CLMN: variants seen among roughly 807,000 people sequenced by gnomAD.
The protein encoded by CLMN is calmin.
Under a neutral mutation model 92.7 loss-of-function variants are expected in CLMN, and 57 were observed. That is an observed-to-expected ratio of 0.61 (90% CI 0.50 to 0.77). CLMN has a LOEUF of 0.77. CLMN is among the 30% of genes least tolerant of loss of function. The pLI is 0.00. For missense variants in CLMN, 1,158 were observed against 1,237.5 expected, an observed-to-expected ratio of 0.94 and a Z score of 0.96; for synonymous variants, 466 against 470.6, an observed-to-expected ratio of 0.99 and a Z score of 0.13.
At chr14:95,229,987 C>A in intron 2 of CLMN, 85 bp downstream of exon 2, 1 of 1,282,900 alleles carries the variant, frequency 7.8e-7, no homozygotes, top group South Asian at 1.2e-5. Flanking sequence ...GAGCACAGGT[C>A]ACCAGCTCCC....
At position 95,259,405 on chromosome 14, in the gene CLMN, C is replaced by T. The variant is rs555183607; in HGVS notation, c.83-29272G>A. Among the ~76,000 whole-genome samples the T allele has an allele frequency of 2.6e-5, 4 of 152,192 alleles. No individual in the cohort carries two copies. Among genetic ancestry groups the T allele is most frequent in the Admixed American group, 2.6e-4 (4 of 15,300 alleles). ...GCACCAGAACGGAGAAGGAAATGTG[C>T]GTGGACAAACCTCCGGGTTACCAGA... On this transcript the variant is annotated intron_variant, in intron 1 of 12. Coordinates refer to ENST00000298912, the MANE Select transcript of CLMN (RefSeq NM_024734.4). The surrounding 1 kb of genome is among the most constrained non-coding windows in gnomAD (Gnocchi z 4.3).
At position 95,189,472 on chromosome 14, in the gene CLMN, G is replaced by A. The variant is rs1055743232; in HGVS notation, c.*2092C>T. On this transcript the variant is annotated 3_prime_UTR_variant, in exon 13 of 13. Coordinates refer to ENST00000298912, the MANE Select transcript of CLMN (RefSeq NM_024734.4). ...CTCAAATGAGATTTTTTTTTCCTTT[G>A]CAAAATATCAGTTGACTGCCAACCT... 3 of 151,356 alleles carry A rather than the reference G, an allele frequency of 2.0e-5. No individual in the cohort carries two copies. Among genetic ancestry groups the A allele is most frequent in the African/African-American group, 7.3e-5 (3 of 41,220 alleles). 9.4% of individuals were successfully genotyped at this position (151,356 alleles called of 1,614,324 possible). A position where few individuals can be genotyped will look rare whatever the true frequency, so the allele number is the denominator to read the frequency against.
rs1443424379 is a variant in CLMN, at chr14:95,209,466, C to T, written c.814G>A (p.Asp272Asn). Reference sequence around the variant, plus strand: ...ATGATAGACTGCTCGTCTGGTGTGTCAACCATGATGTCTGTCGAGAGAGAC... The same window carrying T: ...ATGATAGACTGCTCGTCTGGTGTGTTAACCATGATGTCTGTCGAGAGAGAC... The part of the protein sequence containing the change: ...RLLEPEDIMV[D>N]TPDEQSIMTY... Residue 272 changes from aspartate (D) to asparagine (N), a missense_variant, in exon 8 of 13, where the codon GAC becomes AAC. By Grantham distance (23) the Asp-to-Asn change is conservative (BLOSUM62 1). Transcript: ENST00000298912. 6.2e-7 allele frequency: 1 copy of T among 1,614,030 alleles called. No individual in the cohort carries two copies. The highest frequency in any genetic ancestry group is 8.5e-7 in the Non-Finnish European group (1 of 1,179,902).
At chr14:95,212,280 T>C (rs753116068) in intron 6 of CLMN, among the ~76,000 whole-genome samples, 7 of 152,204 alleles carry the variant, frequency 4.6e-5, no homozygotes, top group Non-Finnish European at 5.9e-5. Flanking sequence ...CTATTTGCAG[T>C]TGGGGCTTGG....
chr14:95,234,124 T>C (rs1481864506), intron 1 of CLMN, among the ~76,000 whole-genome samples: 20 of 152,178 alleles, frequency 1.3e-4, no homozygotes. Flanking sequence ...TGGGCACACT[T>C]GCAATTTTCA....
chr14:95,301,491 A>G (rs1413363673), intron 1 of CLMN, among the ~76,000 whole-genome samples: 1 of 138,462 alleles, frequency 7.2e-6, no homozygotes, highest in Admixed American at 7.4e-5. Flanking sequence ...CCACACTCAC[A>G]CATTGAGGGA....
chr14:95,198,042 CTTTTTTTTTTTTTT>C lies in CLMN; in HGVS notation c.2512-1362_2512-1349del, dbSNP rs1019598103. On this transcript the variant is annotated intron_variant, in intron 9 of 12. Coordinates refer to ENST00000298912, the MANE Select transcript of CLMN (RefSeq NM_024734.4). ...GCTGGGAAAATATCTTTTTTTCTTT[CTTTTTTTTTTTTTT>C]TTTTTTTTTTGAGATGGAGTCTTGC... is the stretch of plus-strand genomic sequence containing the variant. 1.1e-4 allele frequency among the ~76,000 whole-genome samples: 8 copies of C among 69,964 alleles called. No homozygotes were observed. The East Asian group carries it at 2.7e-3, about 23-fold the overall frequency. The allele number at this position is 69,964 out of a possible 152,430, so 45.9% of individuals were successfully genotyped here.
At chr14:95,207,053 G>A (rs1298600856) in intron 8 of CLMN, among the ~76,000 whole-genome samples, 3 of 152,006 alleles carry the variant, frequency 2.0e-5, no homozygotes, top group African/African-American at 7.3e-5. Flanking sequence ...CAAGATATTG[G>A]CAGGGCTGGA....
rs900864433 is a variant in CLMN at position 95,186,530 on chromosome 14, G to C, written c.*5034C>G. 3.9e-5 allele frequency: 6 copies of C among 152,160 alleles called. No individual in the cohort carries two copies. The highest frequency in any genetic ancestry group is 1.2e-4 in the African/African-American group (5 of 41,434). 9.4% of individuals were successfully genotyped at this position (152,160 alleles called of 1,614,324 possible). On this transcript the variant is annotated 3_prime_UTR_variant, in exon 13 of 13. Coordinates refer to ENST00000298912, the MANE Select transcript of CLMN (RefSeq NM_024734.4). The stretch of plus-strand genomic sequence containing the variant: ...GTTGGCCACGTTCAACAGAGAATCC[G>C]CGCTGTTTGTTTGCTGGCAAACACC...
chr14:95,261,103 G>A (rs765589679), intron 1 of CLMN, among the ~76,000 whole-genome samples: 7 of 151,190 alleles, frequency 4.6e-5, no homozygotes, highest in Middle Eastern at 3.4e-3. Context: ...TATTTTCTCC[G>A]CAAGGAACGT....
intron 1 of CLMN, among the ~76,000 whole-genome samples, chr14:95,240,305 C>G (rs531666378): frequency 2.6e-5 from 4 of 152,208 alleles, no homozygotes; most frequent in African/African-American, 9.7e-5. Flanking sequence ...TGGCACACAG[C>G]GGTGCTACAT....
chr14:95,264,310 T>C (rs1005767436), intron 1 of CLMN, among the ~76,000 whole-genome samples: 2 of 152,130 alleles, frequency 1.3e-5, no homozygotes, highest in Non-Finnish European at 2.9e-5. Context: ...GCTGAGATTA[T>C]AGGCATGAGC....
In CLMN at chr14:95,215,591, C is replaced by A. The variant is rs1026033944; in HGVS notation, c.417+50G>T. 7 of 1,498,992 alleles carry A rather than the reference C, an allele frequency of 4.7e-6. No individual in the cohort carries two copies. In the Middle Eastern group the frequency reaches 5.1e-4, roughly 110 times the overall value. 92.9% of individuals were successfully genotyped at this position (1,498,992 alleles called of 1,614,324 possible). A position where few individuals can be genotyped will look rare whatever the true frequency, so the allele number is the denominator to read the frequency against. ...GGCCCCACTCTCTTCTGTGGCTGCT[C>A]AGCAGACACAAGATCATGATTGTGT... On this transcript the variant is annotated intron_variant, in intron 5 of 12. Coordinates refer to ENST00000298912, the MANE Select transcript of CLMN (RefSeq NM_024734.4).
chr14:95,261,381 C>G (rs1370404640), intron 1 of CLMN, among the ~76,000 whole-genome samples: 1 of 152,230 alleles, frequency 6.6e-6, no homozygotes, highest in Non-Finnish European at 1.5e-5. Flanking sequence ...TGTGGAGACA[C>G]AAATACATTT....
intron 1 of CLMN, among the ~76,000 whole-genome samples, chr14:95,257,598 C>T (rs931039124): frequency 6.6e-6 from 1 of 152,240 alleles, no homozygotes; most frequent in African/African-American, 2.4e-5. Flanking sequence ...AGGCACACAC[C>T]TGGTTTAATT....
chr14:95,240,307 G>A (rs373120230), intron 1 of CLMN, among the ~76,000 whole-genome samples: 6 of 152,308 alleles, frequency 3.9e-5, no homozygotes, highest in East Asian at 1.9e-4. Flanking sequence ...GCACACAGCG[G>A]TGCTACATCT....
chr14:95,229,929 C>T lies in CLMN; in HGVS notation c.144+143G>A, dbSNP rs80333449. The T allele has an allele frequency of 3.4e-3, 2,458 of 730,496 alleles. 64 individuals are homozygous for T. In the East Asian group the frequency reaches 0.053, roughly 16 times the overall value. The allele number at this position is 730,496 out of a possible 1,614,324, so 45.3% of individuals were successfully genotyped here. ...TCTTCCCAATCCTGAGCTTGGTAAC[C>T]GGCAGGGGGAGGCACTTATAAATGT... On this transcript the variant is annotated intron_variant, in intron 2 of 12. Transcript: ENST00000298912.
At chr14:95,246,446 C>T (rs1566892283) in intron 1 of CLMN, among the ~76,000 whole-genome samples, 1 of 152,160 alleles carries the variant, frequency 6.6e-6, no homozygotes, top group East Asian at 1.9e-4. Context: ...GGTGTGGCAC[C>T]CCCCTCCTCT....
rs536322509 is a variant in CLMN at position 95,269,843 on chromosome 14, G to A, written c.83-39710C>T. On this transcript the variant is annotated intron_variant, in intron 1 of 12. Coordinates refer to ENST00000298912, the MANE Select transcript of CLMN (RefSeq NM_024734.4). Reference sequence around the variant, plus strand: ...GAGGTAAGGGGTGTGTGTCCTCTCCGGCCTGGCCCCTGCACCTCACATGAG... The same window carrying A: ...GAGGTAAGGGGTGTGTGTCCTCTCCAGCCTGGCCCCTGCACCTCACATGAG... Among the ~76,000 whole-genome samples the A allele has an allele frequency of 1.5e-4, 23 of 152,238 alleles. 1 individual carries two copies. The South Asian group carries it at 1.9e-3, about 12-fold the overall frequency.
Sources: gnomAD v4.1 joint callset for allele counts (sites outside exome capture counted in the v4.1 genomes callset) on GRCh38, gnomAD v4.1.1 for gene constraint, Gnocchi (gnomAD v3.1) non-coding constraint, MANE v1.5 for transcripts, NCBI Gene and HGNC (gene_info 2026-07-23, HGNC 2026-07-21) for gene names.